CACNA1D: variants seen among roughly 807,000 people sequenced by gnomAD.
CACNA1D encodes the protein calcium voltage-gated channel subunit alpha1 D, also known as voltage-dependent L-type calcium channel subunit alpha-1D.
A neutral mutation model predicts 257.1 loss-of-function variants in CACNA1D; 55 were observed. That is an observed-to-expected ratio of 0.21 (90% confidence interval 0.17 to 0.27). CACNA1D has a LOEUF of 0.27. Among genes scored for constraint, CACNA1D ranks in the 10% least tolerant of loss-of-function variants. The pLI is 1.00. For missense variants in CACNA1D, 1,876 were observed against 2,784.0 expected, an observed-to-expected ratio of 0.67 and a Z score of 7.34; for synonymous variants, 980 against 1,014.9, an observed-to-expected ratio of 0.97 and a Z score of 0.65.
At chr3:53,638,798 G>A (rs940630560) in intron 3 of CACNA1D, among the ~76,000 whole-genome samples, 21 of 152,206 alleles carry the variant, frequency 1.4e-4, no homozygotes, top group African/African-American at 5.1e-4. Flanking sequence ...GCCACCCACT[G>A]GGACAGATAC....
intron 43 of CACNA1D, among the ~76,000 whole-genome samples, chr3:53,803,045 GA>G (rs1259311425): frequency 6.6e-6 from 1 of 152,164 alleles, no homozygotes; most frequent in Non-Finnish European, 1.5e-5. Context: ...GGAGCTGGGG[GA>G]CTAGAAGGAG....
At chr3:53,753,204 C>A (rs2108888967) in intron 28 of CACNA1D, among the ~76,000 whole-genome samples, 1 of 152,280 alleles carries the variant, frequency 6.6e-6, no homozygotes, top group Non-Finnish European at 1.5e-5. Flanking sequence ...ACTTACATGG[C>A]ATAAAATTTA....
chr3:53,787,544 G>A (rs2095461838), intron 40 of CACNA1D, among the ~76,000 whole-genome samples: 1 of 151,864 alleles, frequency 6.6e-6, no homozygotes, highest in Non-Finnish European at 1.5e-5. Flanking sequence ...TCATGCCCCA[G>A]CCAGCCTCTG....
At chr3:53,801,992 G>A (rs923549043) in intron 42 of CACNA1D, among the ~76,000 whole-genome samples, 155 bp from the exon 43 acceptor site, 10 of 152,102 alleles carry the variant, frequency 6.6e-5, no homozygotes, top group African/African-American at 2.4e-4. Flanking sequence ...TAGCCCATGG[G>A]TCATACAAGG....
intron 8 of CACNA1D, among the ~76,000 whole-genome samples, chr3:53,675,304 C>T (rs1472859719): frequency 6.6e-6 from 1 of 152,236 alleles, no homozygotes; most frequent in Non-Finnish European, 1.5e-5. Context: ...TAGTAAACCT[C>T]AGTGGCCTTA....
In CACNA1D at chr3:53,790,717, C is replaced by T. The variant is rs999729174; in HGVS notation, c.4923+3765C>T. Among the ~76,000 whole-genome samples, 10 of 152,236 alleles carry T rather than the reference C, an allele frequency of 6.6e-5. No individual in the cohort carries two copies. The South Asian group carries it at 8.3e-4, about 13-fold the overall frequency. ...AGGACTCTCAGCCCCTGATGTGCCCCGCGTGGTCTTCTTAGGGAGGCTCAA... is the reference window on the plus strand; with the variant it reads ...AGGACTCTCAGCCCCTGATGTGCCCTGCGTGGTCTTCTTAGGGAGGCTCAA... On this transcript the variant is annotated intron_variant, in intron 40 of 47. Transcript: ENST00000350061.
chr3:53,503,855 A>G (rs2090708020), intron 3 of CACNA1D, among the ~76,000 whole-genome samples: 1 of 151,290 alleles, frequency 6.6e-6, no homozygotes, highest in Non-Finnish European at 1.5e-5. Flanking sequence ...CTCTTCATAT[A>G]GTATTCTGAA....
intron 3 of CACNA1D, among the ~76,000 whole-genome samples, chr3:53,529,730 T>TACCAGAG (rs1269949982): frequency 3.3e-4 from 51 of 152,308 alleles, no homozygotes; most frequent in African/African-American, 1.2e-3. Flanking sequence ...GGGAAATACT[T>TACCAGAG]TAAGTGGGTT....
chr3:53,732,741 T>C, intron 18 of CACNA1D, 74 bp from the exon 19 acceptor site: 1 of 1,402,486 alleles, frequency 7.1e-7, no homozygotes, highest in Non-Finnish European at 1.0e-6. Context: ...CAAATTTGCA[T>C]GTGAAATTAA....
chr3:53,647,972 C>T (rs897342998), intron 3 of CACNA1D, among the ~76,000 whole-genome samples: 6 of 152,086 alleles, frequency 3.9e-5, no homozygotes, highest in African/African-American at 1.4e-4. Context: ...AGGGAGAGGG[C>T]AAAGGAGAAG....
rs767500286 is a variant in CACNA1D at position 53,731,143 on chromosome 3, C to T, written c.2403C>T (p.Asn801=). ...TCAACCAGATAGCCAACAGTGACAA[C>T]AAGGTATGTATTCTAAGATGCTTCT... ...PEVNQIANSD[N]KVTIDDYREE... is the part of the protein sequence containing the mutation. The change falls in exon 17 of 48, where the codon AAC becomes AAT. Residue 801 remains asparagine, a synonymous_variant. Transcript: ENST00000350061. The T allele has an allele frequency of 4.6e-5, 73 of 1,600,730 alleles. 1 individual carries two copies. The South Asian group carries it at 7.9e-4, about 17-fold the overall frequency.
At chr3:53,779,986 C>A (rs769791675) in intron 37 of CACNA1D, 40 bp from the exon 38 acceptor site, 2 of 1,337,540 alleles carry the variant, frequency 1.5e-6, no homozygotes, top group Admixed American at 1.7e-5. Context: ...CGTGGTCACT[C>A]ATTTGCATTC....
intron 3 of CACNA1D, among the ~76,000 whole-genome samples, chr3:53,519,241 T>C (rs2091460866): frequency 6.6e-6 from 1 of 152,172 alleles, no homozygotes; most frequent in Admixed American, 6.5e-5. Flanking sequence ...ATTCAGGTTA[T>C]TTACAGAAGT....
At chr3:53,548,837 T>C (rs2092469987) in intron 3 of CACNA1D, among the ~76,000 whole-genome samples, 1 of 152,208 alleles carries the variant, frequency 6.6e-6, no homozygotes, top group Non-Finnish European at 1.5e-5. Flanking sequence ...AGCAGCATTG[T>C]GATCCTTATT....
intron 9 of CACNA1D, among the ~76,000 whole-genome samples, chr3:53,706,218 C>T (rs2094687627): frequency 6.6e-6 from 1 of 152,164 alleles, no homozygotes; most frequent in Admixed American, 6.5e-5. Flanking sequence ...TGAGCAGTTT[C>T]CTCCCAGACC....
At chr3:53,615,988 G>A (rs532982175) in intron 3 of CACNA1D, among the ~76,000 whole-genome samples, 34 of 152,220 alleles carry the variant, frequency 2.2e-4, no homozygotes, top group Middle Eastern at 3.4e-3. Flanking sequence ...GACTTGATGT[G>A]TGACATCAGG....
chr3:53,810,998 A>C (rs1417273809), intron 47 of CACNA1D, 115 bp from the exon 48 acceptor site: 4 of 803,192 alleles, frequency 5.0e-6, no homozygotes, highest in Non-Finnish European at 8.9e-6. Flanking sequence ...ATTGAGCTGC[A>C]TCCCCAAAGC....
intron 3 of CACNA1D, among the ~76,000 whole-genome samples, chr3:53,608,915 C>T (rs1157384149): frequency 6.6e-6 from 1 of 152,110 alleles, no homozygotes; most frequent in East Asian, 1.9e-4. Flanking sequence ...TGTCTGTGTA[C>T]ATGAGGGATA....
At chr3:53,758,888 C>T (rs1325919309) in intron 29 of CACNA1D, among the ~76,000 whole-genome samples, 1 of 152,084 alleles carries the variant, frequency 6.6e-6, no homozygotes, top group South Asian at 2.1e-4. Context: ...GTTACAAAGG[C>T]AATATGGTGC....
Sources: allele counts gnomAD v4.1 joint callset (sites outside exome capture counted in the v4.1 genomes callset), GRCh38; gene constraint gnomAD v4.1.1; transcripts MANE v1.5; gene names NCBI Gene and HGNC (gene_info 2026-07-23, HGNC 2026-07-21).